KIF13B: variants seen among roughly 807,000 people sequenced by gnomAD.
The protein encoded by KIF13B is kinesin family member 13B.
In KIF13B, 127 loss-of-function variants were observed where a neutral mutation model predicts 222.0. The ratio of observed to expected loss-of-function variants is 0.57; its 90% CI spans 0.50 to 0.66. The LOEUF (loss-of-function observed/expected upper bound fraction) is 0.66. KIF13B is among the 30% of genes least tolerant of loss of function. KIF13B has a pLI of 0.00. For missense variants in KIF13B, 2,173 were observed against 2,379.0 expected (o/e 0.91, Z 1.80); for synonymous variants, 976 against 919.0 (o/e 1.06, Z -1.12).
chr8:29,135,793 G>A (rs1810526305), intron 21 of KIF13B, among the ~76,000 whole-genome samples: 1 of 152,166 alleles, frequency 6.6e-6, no homozygotes, highest in African/African-American at 2.4e-5. Flanking sequence ...TACTCCCAAA[G>A]GCTCAGACAC....
chr8:29,121,890 C>T (rs974735304), intron 29 of KIF13B, among the ~76,000 whole-genome samples: 2 of 151,908 alleles, frequency 1.3e-5, no homozygotes, highest in African/African-American at 4.8e-5. Flanking sequence ...AAGAAAACAC[C>T]ACAAGAAGGA....
rs1378583184 is a variant in KIF13B at position 29,072,047 on chromosome 8, G to A, written c.4791C>T (p.Thr1597=). 1.5e-6 allele frequency: 2 copies of A among 1,302,122 alleles called. No homozygotes were observed. The highest frequency in any genetic ancestry group is 3.1e-5 in the African/African-American group (2 of 64,708). The allele number at this position is 1,302,122 out of a possible 1,614,324, so 80.7% of individuals were successfully genotyped here. A position where few individuals can be genotyped will look rare whatever the true frequency, so the allele number is the denominator to read the frequency against. Residue 1597 remains threonine (T), a synonymous_variant, in exon 39 of 40, where the codon ACC becomes ACT. Transcript: ENST00000524189. ...DAAAPPGSMP[T]APEAEPEAPI... ...GCGCCTCGGGCTCGGCCTCAGGGGCGGTGGGCATGGACCCCGGCGGGGCCG... is the reference window on the plus strand; with the variant it reads ...GCGCCTCGGGCTCGGCCTCAGGGGCAGTGGGCATGGACCCCGGCGGGGCCG...
intron 2 of KIF13B, among the ~76,000 whole-genome samples, chr8:29,207,980 A>C (rs1814030449): frequency 6.6e-6 from 1 of 152,212 alleles, no homozygotes; most frequent in Admixed American, 6.5e-5. Flanking sequence ...ATATTTCCTG[A>C]GAGGCTGCAG....
At chr8:29,217,097 TA>T (rs1814519056) in intron 2 of KIF13B, among the ~76,000 whole-genome samples, 1 of 152,162 alleles carries the variant, frequency 6.6e-6, no homozygotes, top group Non-Finnish European at 1.5e-5. Context: ...CTCTACCTCT[TA>T]GTAGAGGATA....
At chr8:29,107,594 C>CTGTT (rs1809138839) in intron 35 of KIF13B, among the ~76,000 whole-genome samples, 2 of 148,270 alleles carry the variant, frequency 1.3e-5, no homozygotes, top group South Asian at 4.3e-4. Flanking sequence ...CAGAGTCTCG[C>CTGTT]TGTTGCCCAG....
rs371997397 is a variant in KIF13B at position 29,134,085 on chromosome 8, G to C, written c.2739C>G (p.Ser913=). Residue 913 remains serine (S), a synonymous_variant, in exon 22 of 40, where the codon TCC becomes TCG. Coordinates refer to ENST00000524189, the MANE Select transcript of KIF13B (RefSeq NM_015254.4). ...CCATGCAGTGCGGCTCCTTGCTGACGGAAGAGGAGGAGGTGTCCACTTCAG... is the reference window on the plus strand; with the variant it reads ...CCATGCAGTGCGGCTCCTTGCTGACCGAAGAGGAGGAGGTGTCCACTTCAG... ...VAPEVDTSSS[S]VSKEPHCMVV... The C allele has an allele frequency of 1.9e-6, 3 of 1,613,864 alleles. No individual in the cohort carries two copies. The highest frequency in any genetic ancestry group is 1.7e-5 in the Admixed American group (1 of 60,002).
At chr8:29,179,865 C>T (rs1373884589) in intron 8 of KIF13B, among the ~76,000 whole-genome samples, 1 of 152,144 alleles carries the variant, frequency 6.6e-6, no homozygotes, top group East Asian at 1.9e-4. Flanking sequence ...AAAGTTATTC[C>T]TCGAGAGGCA....
chr8:29,198,565 C>T (rs1586915156), intron 2 of KIF13B, among the ~76,000 whole-genome samples: 2 of 152,066 alleles, frequency 1.3e-5, no homozygotes, highest in Admixed American at 1.3e-4. Context: ...TCAAGTGATC[C>T]GCCCGCCTCG....
chr8:29,203,050 T>C (rs890987015), intron 2 of KIF13B, among the ~76,000 whole-genome samples: 3 of 152,216 alleles, frequency 2.0e-5, no homozygotes, highest in African/African-American at 7.2e-5. Context: ...CTACTGCTTA[T>C]GTAGGACCAC....
In KIF13B at chr8:29,122,782, T is replaced by A. The variant is rs915422436; in HGVS notation, c.3480-136A>T. The stretch of plus-strand genomic sequence containing the variant: ...AACCCTGGCCCTGATTTTACTCTAA[T>A]CCAGAATCAGAGAGGCCACAAAGCC... On this transcript the variant is annotated intron_variant, in intron 28 of 39. Transcript: ENST00000524189. 8 of 686,158 alleles carry A rather than the reference T, an allele frequency of 1.2e-5. No individual in the cohort carries two copies. In the African/African-American group the frequency reaches 1.3e-4, roughly 11 times the overall value. 42.5% of individuals were successfully genotyped at this position (686,158 alleles called of 1,614,324 possible). A position where few individuals can be genotyped will look rare whatever the true frequency, so the allele number is the denominator to read the frequency against.
chr8:29,249,676 C>T (rs1273657014), intron 1 of KIF13B, among the ~76,000 whole-genome samples: 1 of 152,140 alleles, frequency 6.6e-6, no homozygotes, highest in East Asian at 1.9e-4. Context: ...CTTAACTTTT[C>T]TCACATCAGT....
chr8:29,123,287 A>G, intron 28 of KIF13B, 79 bp downstream of exon 28: 3 of 1,540,462 alleles, frequency 1.9e-6, no homozygotes, highest in Admixed American at 1.7e-5. Context: ...CATTAACCGT[A>G]GCACACGCAA....
chr8:29,146,637 G>A, intron 17 of KIF13B, 97 bp from the exon 18 acceptor site: 1 of 1,123,600 alleles, frequency 8.9e-7, no homozygotes, highest in Non-Finnish European at 1.3e-6. Flanking sequence ...TTGCCAAAGT[G>A]TGAATTGAGC....
At chr8:29,257,917 C>T (rs1586997675) in intron 1 of KIF13B, among the ~76,000 whole-genome samples, 1 of 152,174 alleles carries the variant, frequency 6.6e-6, no homozygotes, top group East Asian at 1.9e-4. Context: ...ATGCCTCTGG[C>T]CCTATGTGCA....
chr8:29,228,472 A>AAAAAAAAAAAAAAAAATATATATATATAT, intron 2 of KIF13B, among the ~76,000 whole-genome samples: 9 of 117,074 alleles, frequency 7.7e-5, no homozygotes, highest in Non-Finnish European at 1.2e-4. Context: ...ATCTTAAAAA[A>AAAAAAAAAAAAAAAAATATATATATATAT]ATATATATAT....
intron 37 of KIF13B, among the ~76,000 whole-genome samples, chr8:29,077,619 C>T (rs1474195221): frequency 6.6e-6 from 1 of 152,210 alleles, no homozygotes; most frequent in Admixed American, 6.5e-5. Flanking sequence ...AAGCGCCTAA[C>T]ATGAAACCTT....
intron 35 of KIF13B, among the ~76,000 whole-genome samples, chr8:29,105,740 C>G (rs1432972783): frequency 7.4e-6 from 1 of 134,400 alleles, no homozygotes; most frequent in Admixed American, 8.2e-5. Flanking sequence ...CTCACTGCAA[C>G]TTCCGCCTCC....
chr8:29,072,370 C>T lies in KIF13B; in HGVS notation c.4522-54G>A, dbSNP rs909844589. The T allele has an allele frequency of 1.4e-5, 17 of 1,236,834 alleles. No individual in the cohort carries two copies. In the African/African-American group the frequency reaches 2.3e-4, roughly 17 times the overall value. 76.6% of individuals were successfully genotyped at this position (1,236,834 alleles called of 1,614,324 possible). On this transcript the variant is annotated intron_variant, in intron 38 of 39. Transcript: ENST00000524189. ...AGAACAGAAAACTTTCCAACACGAACCAAGCAGGCAGCTTTGACTTGGAAA... is the reference window on the plus strand; with the variant it reads ...AGAACAGAAAACTTTCCAACACGAATCAAGCAGGCAGCTTTGACTTGGAAA...
chr8:29,075,441 G>A (rs185472254), intron 37 of KIF13B, 98 bp from the exon 38 acceptor site: 2 of 1,108,704 alleles, frequency 1.8e-6, no homozygotes, highest in Non-Finnish European at 2.6e-6. Flanking sequence ...ACCTGCCCGA[G>A]GGGAATCGGC....
Sources: allele counts gnomAD v4.1 joint callset (sites outside exome capture counted in the v4.1 genomes callset), GRCh38; gene constraint gnomAD v4.1.1; transcripts MANE v1.5; gene names NCBI Gene and HGNC (gene_info 2026-07-23, HGNC 2026-07-21).